The following SIK3 variants were observed in gnomAD, a reference collection of about 807,000 sequenced individuals.
The protein encoded by SIK3 is serine/threonine-protein kinase SIK3.
In SIK3, 28 loss-of-function variants were observed where a neutral mutation model predicts 144.2. That is an observed-to-expected ratio of 0.19 (90% CI 0.14 to 0.27). SIK3 has a LOEUF of 0.27. SIK3 is among the 10% of genes least tolerant of loss of function. The pLI is 1.00. For missense variants in SIK3, 1,319 were observed against 1,776.0 expected (o/e 0.74, Z 4.62); for synonymous variants, 686 against 676.3 (o/e 1.01, Z -0.22).
chr11:116,959,768 T>A (rs1949275070), intron 1 of SIK3, among the ~76,000 whole-genome samples: 2 of 152,210 alleles, frequency 1.3e-5, no homozygotes, highest in Non-Finnish European at 2.9e-5. Context: ...ATAGAGTGAA[T>A]TAAATGCATT....
At chr11:116,891,023 C>T (rs1426897771) in intron 6 of SIK3, among the ~76,000 whole-genome samples, 3 of 152,070 alleles carry the variant, frequency 2.0e-5, no homozygotes, top group Admixed American at 6.5e-5. Flanking sequence ...GTAAGTTTTG[C>T]TTTTTTAAAA....
intron 1 of SIK3, among the ~76,000 whole-genome samples, chr11:117,027,016 A>G (rs924456886): frequency 6.6e-6 from 1 of 152,260 alleles, no homozygotes; most frequent in South Asian, 2.1e-4. Flanking sequence ...CTTGGAAAAT[A>G]CTACCAACGT....
intron 4 of SIK3, among the ~76,000 whole-genome samples, chr11:116,902,152 A>G (rs1419881771): frequency 1.3e-5 from 2 of 152,192 alleles, no homozygotes; most frequent in Non-Finnish European, 2.9e-5. Flanking sequence ...AAACTCTAGA[A>G]GAATCATGGC....
At chr11:116,983,121 G>C (rs1296277963) in intron 1 of SIK3, among the ~76,000 whole-genome samples, 3 of 151,878 alleles carry the variant, frequency 2.0e-5, no homozygotes, top group Middle Eastern at 3.2e-3. Context: ...CAGCTACTCG[G>C]GAGGCTGAGG....
intron 1 of SIK3, among the ~76,000 whole-genome samples, chr11:117,081,855 C>T (rs1428758235): frequency 1.3e-5 from 2 of 152,054 alleles, no homozygotes; most frequent in African/African-American, 4.8e-5. Context: ...AAAGACAACC[C>T]ACAGAATGGC....
At chr11:116,920,157 C>T (rs1946880281) in intron 4 of SIK3, among the ~76,000 whole-genome samples, 1 of 150,696 alleles carries the variant, frequency 6.6e-6, no homozygotes, top group African/African-American at 2.5e-5. Flanking sequence ...AGCTGCTCAC[C>T]CTTTTTTTTT....
At chr11:116,985,868 A>T (rs1037745680) in intron 1 of SIK3, among the ~76,000 whole-genome samples, 27 of 152,194 alleles carry the variant, frequency 1.8e-4, no homozygotes, top group African/African-American at 5.8e-4. Flanking sequence ...TTCCCTACAT[A>T]GAAATTGAAG....
At chr11:116,884,072 A>G (rs1369139937) in intron 6 of SIK3, among the ~76,000 whole-genome samples, 1 of 152,174 alleles carries the variant, frequency 6.6e-6, no homozygotes, top group Non-Finnish European at 1.5e-5. Flanking sequence ...AAATTTTGTT[A>G]TTTTGGGTAC....
At position 116,877,112 on chromosome 11, in the gene SIK3, G is replaced by A. The variant is rs544905937; in HGVS notation, c.866-70C>T. On this transcript the variant is annotated intron_variant, in intron 6 of 24. Transcript: ENST00000445177. ...GCACCAGGGGAGTAGAGGAACCAGG[G>A]GCAAAGCCAGCAGGGAGGCTATCCA... 3.0e-5 allele frequency: 40 copies of A among 1,348,962 alleles called. 1 individual carries two copies. The highest frequency in any genetic ancestry group is 2.1e-4 in the African/African-American group (15 of 69,914). The allele number at this position is 1,348,962 out of a possible 1,614,324, so 83.6% of individuals were successfully genotyped here.
In SIK3 at chr11:116,857,971, A is replaced by G. The variant is rs1322081775; in HGVS notation, c.3494T>C (p.Leu1165Ser). 4 of 1,614,098 alleles carry G rather than the reference A, an allele frequency of 2.5e-6. No homozygotes were observed. The East Asian group carries it at 8.9e-5, about 36-fold the overall frequency. Residue 1165 changes from leucine to serine, a missense_variant, in exon 21 of 25, where the codon TTG becomes TCG. Around this residue, in one of 8 missense-constraint regions of SIK3, gnomAD observed 646 missense variants for 763.7 expected, o/e 0.85. Transcript: ENST00000445177. Reference sequence around the variant, plus strand: ...AGGGCTGTCATGGCAACCTTTGGTCAATGTACTTGAACTCTTACTGTCTTG... The same window carrying G: ...AGGGCTGTCATGGCAACCTTTGGTCGATGTACTTGAACTCTTACTGTCTTG... ...GFQDSKSSSTLTKGCHDSPLL... is the reference protein window; with the variant it reads ...GFQDSKSSSTSTKGCHDSPLL...
At position 116,867,973 on chromosome 11, in the gene SIK3, G is replaced by A. The variant is rs1472211364; in HGVS notation, c.1925C>T (p.Pro642Leu). Residue 642 changes from proline (P) to leucine (L), a missense_variant, in exon 15 of 25, where the codon CCT becomes CTT. Pro to Leu is a moderately conservative substitution (Grantham distance 98). Around this residue, in one of 8 missense-constraint regions of SIK3, gnomAD observed 47 missense variants for 40.2 expected, o/e 1.17. Transcript: ENST00000445177. The surrounding 1 kb of genome is among the most constrained non-coding windows in gnomAD (Gnocchi z 4.1). ...ATGCTGATCAGGTACCAGGTGAGGA[G>A]GCCAGACCCGGGAACGGAAAGGCTG... ...GQQPFRSRVW[P>L]PHLVPDQHRS... The A allele has an allele frequency of 3.2e-6, 5 of 1,549,196 alleles. No homozygotes were observed. Among genetic ancestry groups the A allele is most frequent in the Non-Finnish European group, 4.4e-6 (5 of 1,146,154 alleles).
intron 17 of SIK3, 58 bp downstream of exon 17, chr11:116,862,144 A>C: frequency 6.2e-7 from 1 of 1,612,882 alleles, no homozygotes; most frequent in Non-Finnish European, 8.5e-7. Flanking sequence ...ATGCACAGGC[A>C]AATCAGCCTG....
chr11:117,053,874 T>C (rs1015522126), intron 1 of SIK3, among the ~76,000 whole-genome samples: 2 of 152,080 alleles, frequency 1.3e-5, no homozygotes, highest in Non-Finnish European at 2.9e-5. Flanking sequence ...CTCGAACTCC[T>C]GAGCTCAAGC....
At chr11:116,935,308 TTTA>T (rs1947856704) in intron 3 of SIK3, among the ~76,000 whole-genome samples, 1 of 151,424 alleles carries the variant, frequency 6.6e-6, no homozygotes, top group African/African-American at 2.4e-5. Context: ...TACTTATTAA[TTTA>T]TTATTATAAA....
chr11:117,042,847 T>C (rs937066492), intron 1 of SIK3, among the ~76,000 whole-genome samples: 5 of 152,220 alleles, frequency 3.3e-5, no homozygotes, highest in African/African-American at 7.2e-5. Flanking sequence ...ATTTTAAAAG[T>C]TGTTTACTTA....
intron 4 of SIK3, among the ~76,000 whole-genome samples, chr11:116,905,187 C>A (rs1231889825): frequency 6.6e-6 from 1 of 152,228 alleles, no homozygotes; most frequent in African/African-American, 2.4e-5. Context: ...GGACATTTCA[C>A]ATAAATGGAA....
chr11:117,091,185 T>C (rs1955226981), intron 1 of SIK3, among the ~76,000 whole-genome samples: 1 of 147,350 alleles, frequency 6.8e-6, no homozygotes, highest in Non-Finnish European at 1.5e-5. Flanking sequence ...CGTAAAATCC[T>C]GAGGTTTTTT....
chr11:116,877,768 C>CTCTATT (rs112867178), intron 6 of SIK3, among the ~76,000 whole-genome samples: 129,779 of 151,572 alleles, frequency 0.86, 56,252 homozygotes, highest in African/African-American at 0.9. Flanking sequence ...CAAAACCACC[C>CTCTATT]TCTAAGTTTT....
Position 116,858,663 on chromosome 11 carries a change from G to A in SIK3, c.2802C>T (p.Asp934=), listed in dbSNP as rs746419435. 18 of 1,566,870 alleles carry A rather than the reference G, an allele frequency of 1.1e-5. No individual in the cohort carries two copies. The East Asian group carries it at 2.9e-4, about 25-fold the overall frequency. Residue 934 remains aspartate, a synonymous_variant, in exon 21 of 25, where the codon GAC becomes GAT. Transcript: ENST00000445177. The surrounding 1 kb of genome is among the most constrained non-coding windows in gnomAD (Gnocchi z 5.4). Reference sequence around the variant, plus strand: ...ACAGATGGGGGTGTAAATGCGCCTGGTCGTAGTTAGCAGGGGAGAACCGAT... The same window carrying A: ...ACAGATGGGGGTGTAAATGCGCCTGATCGTAGTTAGCAGGGGAGAACCGAT... The part of the protein sequence containing the change: ...NVNRFSPANY[D]QAHLHPHLFS...
Sources: gnomAD v4.1 joint callset for allele counts (sites outside exome capture counted in the v4.1 genomes callset) on GRCh38, gnomAD v4.1.1 for gene constraint, gnomAD v4.1.1 regional missense constraint, Gnocchi (gnomAD v3.1) non-coding constraint, MANE v1.5 for transcripts, NCBI Gene and HGNC (gene_info 2026-07-23, HGNC 2026-07-21) for gene names.